PNPT1: variants seen among roughly 807,000 people sequenced by gnomAD.
PNPT1 encodes the protein polyribonucleotide nucleotidyltransferase 1, mitochondrial.
A neutral mutation model predicts 119.5 loss-of-function variants in PNPT1; 53 were observed. The ratio of observed to expected loss-of-function variants is 0.44; its 90% CI spans 0.36 to 0.56. The LOEUF (loss-of-function observed/expected upper bound fraction) is 0.56. Ranked by LOEUF, PNPT1 falls within the 20% of genes least tolerant of loss-of-function variation. The pLI, the probability that PNPT1 is intolerant of heterozygous loss-of-function variation, is 0.00. For missense variants in PNPT1, 948 were observed against 938.5 expected, an observed-to-expected ratio of 1.01 and a Z score of -0.13; for synonymous variants, 357 against 322.1, an observed-to-expected ratio of 1.11 and a Z score of -1.16.
chr2:55,640,980 C>T (rs1695817132), intron 25 of PNPT1, among the ~76,000 whole-genome samples: 1 of 152,090 alleles, frequency 6.6e-6, no homozygotes, highest in African/African-American at 2.4e-5. Flanking sequence ...AATCCCAGCA[C>T]TTTGGGAGGC....
rs1336022676 is a variant in PNPT1 at position 55,665,868 on chromosome 2, C to A, written c.1176+1123G>T. ...ATAAAGCATAATATGGTACACAGAA[C>A]AATGAATACAGATGTAGGTAAATAT... is the stretch of plus-strand genomic sequence containing the variant. On this transcript the variant is annotated intron_variant, in intron 13 of 27. Coordinates refer to ENST00000447944, the MANE Select transcript of PNPT1 (RefSeq NM_033109.5). 2.0e-5 allele frequency among the ~76,000 whole-genome samples: 3 copies of A among 152,034 alleles called. No homozygotes were observed. In the East Asian group the frequency reaches 5.8e-4, roughly 29 times the overall value.
At chr2:55,680,359 C>T (rs925060161) in intron 7 of PNPT1, among the ~76,000 whole-genome samples, 6 of 148,810 alleles carry the variant, frequency 4.0e-5, no homozygotes, top group South Asian at 2.1e-4. Flanking sequence ...TGATTATGAA[C>T]TTATAACAGC....
At chr2:55,680,144 C>G (rs1697199197) in intron 7 of PNPT1, among the ~76,000 whole-genome samples, 1 of 152,200 alleles carries the variant, frequency 6.6e-6, no homozygotes, top group Admixed American at 6.5e-5. Flanking sequence ...TCCTTGACAA[C>G]CTGACCACAC....
chr2:55,679,854 T>G, intron 7 of PNPT1, 59 bp from the exon 8 acceptor site: 1 of 1,177,496 alleles, frequency 8.5e-7, no homozygotes, highest in South Asian at 1.3e-5. Context: ...TTCAAGACAT[T>G]ATTCCAGTCA....
chr2:55,692,207 G>A (rs1234976099), intron 1 of PNPT1, among the ~76,000 whole-genome samples: 1 of 151,594 alleles, frequency 6.6e-6, no homozygotes. Context: ...ATTTCTAAAG[G>A]GTTTGTAAAC....
At chr2:55,682,997 A>G (rs1314456545) in intron 5 of PNPT1, among the ~76,000 whole-genome samples, 1 of 152,240 alleles carries the variant, frequency 6.6e-6, no homozygotes, top group Non-Finnish European at 1.5e-5. Context: ...ATTTATTTCA[A>G]ATGAATGAAA....
chr2:55,655,425 C>G (rs187980427), intron 17 of PNPT1, among the ~76,000 whole-genome samples: 1 of 152,244 alleles, frequency 6.6e-6, no homozygotes, highest in African/African-American at 2.4e-5. Flanking sequence ...CAGCCTATCA[C>G]AAAAAGTTCT....
chr2:55,689,195 G>C (rs1215842889), intron 1 of PNPT1, among the ~76,000 whole-genome samples: 1 of 152,156 alleles, frequency 6.6e-6, no homozygotes, highest in Non-Finnish European at 1.5e-5. Context: ...TCTGATAAGG[G>C]ACTTGTGTTA....
In PNPT1 at chr2:55,656,374, TAAAAAA is replaced by T; in HGVS notation, c.1285-9_1285-4del. On this transcript the variant is annotated splice_region_variant and splice_polypyrimidine_tract_variant and intron_variant, in intron 15 of 27. Coordinates refer to ENST00000447944, the MANE Select transcript of PNPT1 (RefSeq NM_033109.5). ...TCATTAGTTGCATAAGGAGGAAACT[TAAAAAA>T]AAAAAAACACAAACACACATATACA... The T allele has an allele frequency of 7.8e-7, 1 of 1,274,234 alleles. No homozygotes were observed. Among genetic ancestry groups the T allele is most frequent in the South Asian group, 1.4e-5 (1 of 69,280 alleles). 78.9% of individuals were successfully genotyped at this position (1,274,234 alleles called of 1,614,324 possible).
intron 18 of PNPT1, among the ~76,000 whole-genome samples, chr2:55,650,138 C>CT (rs1696125426): frequency 1.4e-5 from 2 of 143,810 alleles, no homozygotes; most frequent in Non-Finnish European, 3.1e-5. Context: ...CTCTCCCTCT[C>CT]TCCACCTCTA....
chr2:55,642,478 G>A (rs1056549243), intron 25 of PNPT1, among the ~76,000 whole-genome samples: 2 of 151,532 alleles, frequency 1.3e-5, no homozygotes, highest in South Asian at 2.1e-4. Context: ...GCGTGGTGGC[G>A]GGCACCTGCA....
At position 55,639,614 on chromosome 2, in the gene PNPT1, A is replaced by G. The variant is rs116561344; in HGVS notation, c.2148+1013T>C. On this transcript the variant is annotated intron_variant, in intron 26 of 27. Coordinates refer to ENST00000447944, the MANE Select transcript of PNPT1 (RefSeq NM_033109.5). ...GTTCTTTACTTATTTTTCTATTGAT[A>G]TTCATCATTCTTACGGATTTATAAA... Among the ~76,000 whole-genome samples the G allele has an allele frequency of 9.5e-3, 1,441 of 152,306 alleles. 11 individuals carry two copies. Among genetic ancestry groups the G allele is most frequent in the Non-Finnish European group, 0.012 (834 of 68,018 alleles).
chr2:55,676,262 C>CAA (rs11400030), intron 8 of PNPT1, among the ~76,000 whole-genome samples: 18,757 of 82,356 alleles, frequency 0.23, 2,154 homozygotes, highest in African/African-American at 0.41. Flanking sequence ...CCATCTCAAC[C>CAA]AAAAAAAAAA....
At position 55,693,558 on chromosome 2, in the gene PNPT1, TA is replaced by T. The variant is rs1572843081; in HGVS notation, c.161+104del. 1.2e-5 allele frequency: 18 copies of T among 1,491,206 alleles called. No individual in the cohort carries two copies. In the East Asian group the frequency reaches 4.1e-4, roughly 34 times the overall value. The allele number at this position is 1,491,206 out of a possible 1,614,324, so 92.4% of individuals were successfully genotyped here. On this transcript the variant is annotated intron_variant, in intron 1 of 27. Transcript: ENST00000447944. Reference sequence around the variant, plus strand: ...ATTTAGGTTTAGGGTAAGGAGAGATTAAATAGAGCTGGGATACCGGGTTTCT... The same window carrying T: ...ATTTAGGTTTAGGGTAAGGAGAGATTAATAGAGCTGGGATACCGGGTTTCT...
chr2:55,640,742 TA>T (rs1559085575), intron 25 of PNPT1, 37 bp from the exon 26 acceptor site: 3 of 1,309,590 alleles, frequency 2.3e-6, no homozygotes, highest in Non-Finnish European at 3.3e-6. Flanking sequence ...GTTAAAATAA[TA>T]AGTATCTGTA....
chr2:55,650,639 C>T lies in PNPT1; in HGVS notation c.1496-3186G>A, dbSNP rs562259918. On this transcript the variant is annotated intron_variant, in intron 18 of 27. Coordinates refer to ENST00000447944, the MANE Select transcript of PNPT1 (RefSeq NM_033109.5). ...GAAGTGAGGAGCGTCTCTGCCCGGC[C>T]GCCCATCGTCTGAGATGTGGGGAGC... Among the ~76,000 whole-genome samples, 650 of 150,942 alleles carry T rather than the reference C, an allele frequency of 4.3e-3. 4 individuals are homozygous for T. Among genetic ancestry groups the T allele is most frequent in the Middle Eastern group, 0.014 (4 of 292 alleles).
intron 2 of PNPT1, among the ~76,000 whole-genome samples, chr2:55,686,979 C>T (rs985246358): frequency 6.6e-6 from 1 of 151,770 alleles, no homozygotes; most frequent in Non-Finnish European, 1.5e-5. Flanking sequence ...CTTTGGGAGG[C>T]TGAGGCAGGC....
chr2:55,662,943 C>T (rs1347539783), intron 13 of PNPT1, among the ~76,000 whole-genome samples: 3 of 150,940 alleles, frequency 2.0e-5, no homozygotes, highest in Non-Finnish European at 2.9e-5. Flanking sequence ...TACAGTGGCA[C>T]GATCTCGGCT....
chr2:55,642,704 A>C (rs1451570115), intron 25 of PNPT1, among the ~76,000 whole-genome samples: 1 of 152,098 alleles, frequency 6.6e-6, no homozygotes, highest in African/African-American at 2.4e-5. Context: ...GATATAGAAA[A>C]CAAAATATAC....
Sources: gnomAD v4.1 joint callset for allele counts (sites outside exome capture counted in the v4.1 genomes callset) on GRCh38, gnomAD v4.1.1 for gene constraint, MANE v1.5 for transcripts, NCBI Gene and HGNC (gene_info 2026-07-23, HGNC 2026-07-21) for gene names.